The following ETV7 variants were observed in gnomAD, a reference collection of about 807,000 sequenced individuals.
The protein encoded by ETV7 is transcription factor ETV7.
A neutral mutation model predicts 39.1 loss-of-function variants in ETV7; 43 were observed. The observed-to-expected ratio is 1.10, with a 90% CI of 0.86 to 1.42. The LOEUF is 1.42. Among genes scored for constraint, ETV7 ranks in the 40% most tolerant of loss-of-function variants. ETV7 has a pLI of 0.00. For missense variants in ETV7, 432 were observed against 442.3 expected, an observed-to-expected ratio of 0.98 and a Z score of 0.21; for synonymous variants, 196 against 176.6, an observed-to-expected ratio of 1.11 and a Z score of -0.87.
chr6:36,381,335 A>G (rs1773641976), intron 2 of ETV7, among the ~76,000 whole-genome samples: 1 of 152,224 alleles, frequency 6.6e-6, no homozygotes, highest in Non-Finnish European at 1.5e-5. Flanking sequence ...GGCTTTGGAC[A>G]AGATAATTCA....
chr6:36,372,031 A>C (rs1215515195), intron 4 of ETV7, among the ~76,000 whole-genome samples: 1 of 152,252 alleles, frequency 6.6e-6, no homozygotes, highest in East Asian at 1.9e-4. Context: ...AAAAGGAAAC[A>C]GAAACAGTAT....
chr6:36,368,991 C>G lies in ETV7; in HGVS notation c.745G>C (p.Asp249His), dbSNP rs1383542427. 1 of 1,614,192 alleles carries G rather than the reference C, an allele frequency of 6.2e-7. No homozygotes were observed. Among genetic ancestry groups the G allele is most frequent in the Non-Finnish European group, 8.5e-7 (1 of 1,180,036 alleles). Residue 249 changes from aspartate to histidine, a missense_variant, in exon 6 of 8, where the codon GAC becomes CAC. Physicochemically the swap from Asp to His is moderately conservative, Grantham distance 81. Transcript: ENST00000340181. The stretch of plus-strand genomic sequence containing the variant: ...TCCACAACTCGGAAGATCTTGGCGT[C>G]CTTGTCTTCCCACTTGATGTAGGGC... The part of the protein sequence containing the change: ...YEPYIKWEDK[D>H]AKIFRVVDPN...
downstream of ETV7, among the ~76,000 whole-genome samples, chr6:36,363,558 A>G (rs2127383950): frequency 6.6e-6 from 1 of 152,378 alleles, no homozygotes; most frequent in South Asian, 2.1e-4. Flanking sequence ...TAATAAAAGC[A>G]GCGTGGACCC....
chr6:36,377,204 T>C (rs1335051544), intron 2 of ETV7, among the ~76,000 whole-genome samples: 1 of 152,178 alleles, frequency 6.6e-6, no homozygotes, highest in Non-Finnish European at 1.5e-5. Context: ...CTCCCACCCG[T>C]AATCCCAGCA....
intron 5 of ETV7, among the ~76,000 whole-genome samples, chr6:36,369,456 C>G (rs998905211): frequency 1.3e-5 from 2 of 152,192 alleles, no homozygotes; most frequent in Non-Finnish European, 2.9e-5. Context: ...ACCCCAGGTC[C>G]CTCTCTGCCC....
chr6:36,358,025 T>C (rs1772385454), intron 7 of ETV7, among the ~76,000 whole-genome samples: 1 of 152,190 alleles, frequency 6.6e-6, no homozygotes, highest in South Asian at 2.1e-4. Context: ...CCCAGATGAC[T>C]TCATGGGGAA....
chr6:36,359,533 G>A (rs1772432037), intron 7 of ETV7, among the ~76,000 whole-genome samples: 1 of 152,150 alleles, frequency 6.6e-6, no homozygotes, highest in Non-Finnish European at 1.5e-5. Context: ...CATAGGTAAA[G>A]ATGATTTGTT....
At chr6:36,354,533 C>A in exon 8 of ETV7, 1 of 619,548 alleles carries the variant, frequency 1.6e-6, no homozygotes, top group Non-Finnish European at 2.9e-6. Flanking sequence ...ATCCTTATGC[C>A]ATTACCAATC....
chr6:36,368,836 T>G lies in ETV7; in HGVS notation c.807+93A>C, dbSNP rs1772852285. ...GGCTGCTGATGAAGGCCCCATCAGCTGAGGATTGTCCCATAGTGCTAGGGG... is the reference window on the plus strand; with the variant it reads ...GGCTGCTGATGAAGGCCCCATCAGCGGAGGATTGTCCCATAGTGCTAGGGG... On this transcript the variant is annotated intron_variant, in intron 6 of 7. Coordinates refer to ENST00000340181, the MANE Select transcript of ETV7 (RefSeq NM_016135.4). 9.8e-6 allele frequency: 15 copies of G among 1,534,390 alleles called. 1 individual carries two copies. In the South Asian group the frequency reaches 1.3e-4, roughly 13 times the overall value.
intron 6 of ETV7, among the ~76,000 whole-genome samples, chr6:36,367,195 C>A (rs1363077679): frequency 6.6e-6 from 1 of 152,170 alleles, no homozygotes; most frequent in Non-Finnish European, 1.5e-5. Flanking sequence ...GTAATCCCAA[C>A]ACTTTGGGAG....
intron 7 of ETV7, among the ~76,000 whole-genome samples, chr6:36,360,508 T>C (rs910825692): frequency 1.3e-5 from 2 of 151,734 alleles, no homozygotes; most frequent in Non-Finnish European, 2.9e-5. Context: ...GAGGTGTGAG[T>C]TCCCCGTCAC....
intron 7 of ETV7, among the ~76,000 whole-genome samples, chr6:36,361,041 C>T (rs1446849045): frequency 6.6e-6 from 1 of 152,194 alleles, no homozygotes; most frequent in African/African-American, 2.4e-5. Flanking sequence ...GGCCCTATTC[C>T]CCTTTGTTTA....
At chr6:36,380,295 C>T (rs566587079) in intron 2 of ETV7, among the ~76,000 whole-genome samples, 6 of 152,250 alleles carry the variant, frequency 3.9e-5, no homozygotes, top group Non-Finnish European at 5.9e-5. Context: ...GATCAGCCCC[C>T]GGCCTCTCCC....
At chr6:36,373,297 G>A (rs1289700433) in intron 4 of ETV7, among the ~76,000 whole-genome samples, 156 bp downstream of exon 4, 1 of 129,740 alleles carries the variant, frequency 7.7e-6, no homozygotes, top group Non-Finnish European at 1.6e-5. Context: ...AGGAAGGGCG[G>A]CCAGGAACGC....
chr6:36,373,923 C>A (rs1485656487), intron 3 of ETV7, among the ~76,000 whole-genome samples: 2 of 152,214 alleles, frequency 1.3e-5, no homozygotes, highest in African/African-American at 4.8e-5. Flanking sequence ...GCAACTGTAC[C>A]TCACGTTCCT....
rs1447183434 is a variant in ETV7 at position 36,375,695 on chromosome 6, C to G, written c.307+176G>C. The G allele has an allele frequency of 6.0e-6, 6 of 1,006,508 alleles. No homozygotes were observed. In the African/African-American group the frequency reaches 6.4e-5, roughly 11 times the overall value. The allele number at this position is 1,006,508 out of a possible 1,614,324, so 62.3% of individuals were successfully genotyped here. ...TGGACTCCCTTGCTGAAGGCCTGCT[C>G]TAGCTAGGAACCACCAGATACACAC... On this transcript the variant is annotated intron_variant, in intron 3 of 7. Transcript: ENST00000340181.
intron 7 of ETV7, among the ~76,000 whole-genome samples, chr6:36,356,325 A>G (rs1353280385): frequency 7.1e-6 from 1 of 141,142 alleles, no homozygotes; most frequent in Admixed American, 6.9e-5. Context: ...CCCTGTCTCA[A>G]AAAAAAAAAA....
At chr6:36,367,051 G>A (rs1020248855) in intron 6 of ETV7, 76 bp from the exon 7 acceptor site, 2 of 1,106,088 alleles carry the variant, frequency 1.8e-6, no homozygotes, top group Admixed American at 1.7e-5. Flanking sequence ...GGAGTAGGGT[G>A]GACTGGACAG....
chr6:36,375,760 A>G lies in ETV7; in HGVS notation c.307+111T>C, dbSNP rs968439691. 1.4e-5 allele frequency: 21 copies of G among 1,545,028 alleles called. No homozygotes were observed. In the Admixed American group the frequency reaches 3.1e-4, roughly 22 times the overall value. On this transcript the variant is annotated intron_variant, in intron 3 of 7. Transcript: ENST00000340181. Reference sequence around the variant, plus strand: ...ATCTGCAGTGCTGGAAATGAGCATGATTCCCCAAGGAAGACCCCTCCATCT... The same window carrying G: ...ATCTGCAGTGCTGGAAATGAGCATGGTTCCCCAAGGAAGACCCCTCCATCT...
Sources: gnomAD v4.1 joint callset for allele counts (sites outside exome capture counted in the v4.1 genomes callset) on GRCh38, gnomAD v4.1.1 for gene constraint, MANE v1.5 for transcripts, NCBI Gene and HGNC (gene_info 2026-07-23, HGNC 2026-07-21) for gene names.